KAZN: variants seen among roughly 807,000 people sequenced by gnomAD.
KAZN encodes the protein kazrin, periplakin interacting protein.
KAZN carries 40 observed loss-of-function variants against 87.4 expected under a neutral mutation model. That is an observed-to-expected ratio of 0.46 (90% CI 0.36 to 0.60). The LOEUF (loss-of-function observed/expected upper bound fraction) is 0.60. KAZN is among the 20% of genes least tolerant of loss of function. The probability of loss-of-function intolerance (pLI) is 0.00; values close to 1 mark genes in which losing one functional copy is unlikely to be tolerated. For synonymous variants in KAZN, 466 were observed against 458.3 expected (o/e 1.02, Z -0.22); for missense variants, 898 against 1,073.9 (o/e 0.84, Z 2.29).
intron 2 of KAZN, among the ~76,000 whole-genome samples, chr1:14,565,929 G>C (rs1387784294): frequency 6.6e-6 from 1 of 152,086 alleles, no homozygotes; most frequent in Non-Finnish European, 1.5e-5. Context: ...ATTCTTCAAA[G>C]TCATTCATGA....
Position 15,094,430 on chromosome 1 carries a change from G to A in KAZN, c.1428+45G>A, listed in dbSNP as rs965563861. On this transcript the variant is annotated intron_variant, in intron 9 of 14. Coordinates refer to ENST00000376030, the MANE Select transcript of KAZN (RefSeq NM_201628.3). The surrounding 1 kb of genome is among the most constrained non-coding windows in gnomAD (Gnocchi z 4.5). Reference sequence around the variant, plus strand: ...CTATGGGATGCCACCCATGCCCTCTGTGAGCTTTACGTACCCAGAAGCTGG... The same window carrying A: ...CTATGGGATGCCACCCATGCCCTCTATGAGCTTTACGTACCCAGAAGCTGG... 2 of 1,551,230 alleles carry A rather than the reference G, an allele frequency of 1.3e-6. No homozygotes were observed. Among genetic ancestry groups the A allele is most frequent in the Admixed American group, 1.9e-5 (1 of 53,562 alleles).
intron 2 of KAZN, among the ~76,000 whole-genome samples, chr1:14,993,593 C>T (rs1401122178): frequency 2.0e-5 from 3 of 152,178 alleles, no homozygotes; most frequent in Non-Finnish European, 4.4e-5. Flanking sequence ...TCGGCCTGCA[C>T]TCTCCCCCAC....
chr1:14,052,737 G>A (rs1642393493), intron 1 of KAZN, among the ~76,000 whole-genome samples: 1 of 152,102 alleles, frequency 6.6e-6, no homozygotes, highest in African/African-American at 2.4e-5. Context: ...AAGGAGAGAG[G>A]GAGGCCTTTT....
rs545743869 is a variant in KAZN at position 15,055,957 on chromosome 1, G to A, written c.727-134G>A. On this transcript the variant is annotated intron_variant, in intron 4 of 14. Coordinates refer to ENST00000376030, the MANE Select transcript of KAZN (RefSeq NM_201628.3). ...GCAGGCGCTTGACTTACCAATTGAC[G>A]CTCGATGCCGAGCCAGCAATACCCG... The A allele has an allele frequency of 3.1e-5, 26 of 831,532 alleles. No individual in the cohort carries two copies. In the South Asian group the frequency reaches 3.4e-4, roughly 11 times the overall value. 51.5% of individuals were successfully genotyped at this position (831,532 alleles called of 1,614,324 possible).
chr1:13,935,151 C>T (rs1411777685), intron 1 of KAZN, among the ~76,000 whole-genome samples: 8 of 151,354 alleles, frequency 5.3e-5, no homozygotes, highest in South Asian at 2.1e-4. Flanking sequence ...GCAGGAGAAT[C>T]GCATGAACCC....
chr1:15,102,295 A>T (rs474160), intron 11 of KAZN, among the ~76,000 whole-genome samples: 81,685 of 151,692 alleles, frequency 0.54, 22,351 homozygotes, highest in East Asian at 0.77. Flanking sequence ...GGGCTCAGGG[A>T]TGGCTCCTCA....
At chr1:13,924,798 G>A (rs1051782530) in intron 1 of KAZN, among the ~76,000 whole-genome samples, 3 of 152,188 alleles carry the variant, frequency 2.0e-5, no homozygotes, top group South Asian at 2.1e-4. Flanking sequence ...TGTATAAAAC[G>A]AAGCTGTGTC....
chr1:14,477,891 C>A (rs1386232008), intron 2 of KAZN, among the ~76,000 whole-genome samples: 1 of 152,200 alleles, frequency 6.6e-6, no homozygotes, highest in Admixed American at 6.5e-5. Flanking sequence ...CTCCTTCTTG[C>A]TCCCATGGAG....
intron 2 of KAZN, among the ~76,000 whole-genome samples, chr1:14,318,387 C>A (rs552859110): frequency 7.2e-5 from 11 of 151,994 alleles, no homozygotes; most frequent in Non-Finnish European, 1.6e-4. Context: ...TTTTCTTCTA[C>A]GTTGCATAGT....
chr1:14,776,957 A>G (rs1287653387), intron 1 of KAZN, among the ~76,000 whole-genome samples: 1 of 142,770 alleles, frequency 7.0e-6, no homozygotes, highest in Non-Finnish European at 1.5e-5. Flanking sequence ...AAAAAAAAAG[A>G]GACGTCTTTG....
chr1:14,475,577 C>A (rs1004581603), intron 2 of KAZN, among the ~76,000 whole-genome samples: 1 of 152,164 alleles, frequency 6.6e-6, no homozygotes, highest in Non-Finnish European at 1.5e-5. Context: ...ACATTTATAT[C>A]AAATGTTTAG....
At position 14,769,634 on chromosome 1, in the gene KAZN, G is replaced by T. The variant is rs1440764735; in HGVS notation, c.226+170411G>T. ...CTCCCAAAGTCCTGGGATTACAGGCGTGAGCCACCGTGCCCGGCCTGCCCT... is the reference window on the plus strand; with the variant it reads ...CTCCCAAAGTCCTGGGATTACAGGCTTGAGCCACCGTGCCCGGCCTGCCCT... On this transcript the variant is annotated intron_variant, in intron 1 of 14. Transcript: ENST00000376030. This position sits in a 1 kb window ranked among gnomAD's most constrained non-coding sequence, Gnocchi z 4.1. 6.6e-6 allele frequency among the ~76,000 whole-genome samples: 1 copy of T among 152,302 alleles called. No homozygotes were observed. Among genetic ancestry groups the T allele is most frequent in the East Asian group, 1.9e-4 (1 of 5,160 alleles).
At chr1:15,095,034 G>C (rs541590971) in intron 10 of KAZN, 101 bp downstream of exon 10, 1 of 785,040 alleles carries the variant, frequency 1.3e-6, no homozygotes, top group South Asian at 1.6e-5. Context: ...GCTGAACCAG[G>C]TGGTGGGGGA....
At chr1:14,977,672 G>T (rs1665788568) in intron 2 of KAZN, among the ~76,000 whole-genome samples, 1 of 152,232 alleles carries the variant, frequency 6.6e-6, no homozygotes, top group Non-Finnish European at 1.5e-5. Context: ...ACTGCAGATT[G>T]CGGGAGACTC....
At chr1:14,417,001 T>C (rs1461173961) in intron 2 of KAZN, among the ~76,000 whole-genome samples, 1 of 77,920 alleles carries the variant, frequency 1.3e-5, no homozygotes, top group African/African-American at 4.1e-5. Flanking sequence ...TGTGTGTATG[T>C]ATATATATGT....
chr1:14,851,543 C>G (rs142910272), intron 1 of KAZN, among the ~76,000 whole-genome samples: 5 of 152,338 alleles, frequency 3.3e-5, no homozygotes, highest in Non-Finnish European at 5.9e-5. Context: ...TCATCAGAGG[C>G]TCGTTTGGGG....
chr1:14,632,672 T>C (rs1679656493), intron 1 of KAZN, among the ~76,000 whole-genome samples: 1 of 151,772 alleles, frequency 6.6e-6, no homozygotes, highest in Non-Finnish European at 1.5e-5. Flanking sequence ...GAACTTGCAC[T>C]GTTCTCAGCT....
chr1:15,009,815 C>G (rs1349097333), intron 2 of KAZN, among the ~76,000 whole-genome samples: 1 of 152,202 alleles, frequency 6.6e-6, no homozygotes, highest in African/African-American at 2.4e-5. Context: ...CATTCATCAA[C>G]CCATGGCCAA....
intron 1 of KAZN, among the ~76,000 whole-genome samples, chr1:14,870,315 T>C (rs1314795561): frequency 6.6e-6 from 1 of 152,202 alleles, no homozygotes; most frequent in Non-Finnish European, 1.5e-5. Flanking sequence ...TTAACTTCTC[T>C]GGCCCTGTTT....
Sources: allele counts gnomAD v4.1 joint callset (sites outside exome capture counted in the v4.1 genomes callset), GRCh38; gene constraint gnomAD v4.1.1; non-coding constraint Gnocchi (gnomAD v3.1); transcripts MANE v1.5; gene names NCBI Gene and HGNC (gene_info 2026-07-23, HGNC 2026-07-21).